Variants in MYT1L observed in about 807,000 individuals in gnomAD.
MYT1L encodes the protein myelin transcription factor 1 like.
A neutral mutation model predicts 126.7 loss-of-function variants in MYT1L; 12 were observed. That is an observed-to-expected ratio of 0.09 (90% CI 0.06 to 0.15). The LOEUF (loss-of-function observed/expected upper bound fraction) is 0.15. Among genes scored for constraint, MYT1L ranks in the 10% least tolerant of loss-of-function variants. The pLI is 1.00. For missense variants in MYT1L, 979 were observed against 1,585.2 expected, an observed-to-expected ratio of 0.62 and a Z score of 6.49; for synonymous variants, 541 against 604.2, an observed-to-expected ratio of 0.90 and a Z score of 1.53.
intron 2 of MYT1L, among the ~76,000 whole-genome samples, chr2:2,181,149 T>C (rs2091459946): frequency 6.6e-6 from 1 of 151,816 alleles, no homozygotes; most frequent in African/African-American, 2.4e-5. Flanking sequence ...TGTCTGTGCC[T>C]GAGTATGTAC....
intron 2 of MYT1L, among the ~76,000 whole-genome samples, chr2:2,279,552 AG>A (rs2095416593): frequency 1.0e-5 from 1 of 95,654 alleles, no homozygotes; most frequent in African/African-American, 3.9e-5. Flanking sequence ...AGAGAAAGAG[AG>A]AAGGAATGAA....
chr2:1,977,520 T>C (rs551563196), intron 8 of MYT1L, among the ~76,000 whole-genome samples: 2 of 152,338 alleles, frequency 1.3e-5, no homozygotes, highest in Admixed American at 1.3e-4. Context: ...TTTAAAAATA[T>C]GTAAAAGAGG....
intron 2 of MYT1L, among the ~76,000 whole-genome samples, chr2:2,242,780 A>T (rs1194539345): frequency 1.3e-5 from 2 of 152,216 alleles, no homozygotes; most frequent in African/African-American, 4.8e-5. Context: ...TCACAATATG[A>T]AGTCGAATAT....
At chr2:2,185,872 T>G (rs2092097114) in intron 2 of MYT1L, among the ~76,000 whole-genome samples, 2 of 112,660 alleles carry the variant, frequency 1.8e-5, no homozygotes, top group African/African-American at 3.8e-5. Context: ...GACGCCCGCG[T>G]TCCTTACGTG....
intron 2 of MYT1L, among the ~76,000 whole-genome samples, chr2:2,244,589 C>T (rs2094497609): frequency 2.6e-5 from 4 of 152,166 alleles, no homozygotes; most frequent in Non-Finnish European, 5.9e-5. Context: ...AGAAGAGAAG[C>T]TTGCACCAGC....
chr2:2,077,105 C>A (rs72767364), intron 3 of MYT1L, among the ~76,000 whole-genome samples: 6,464 of 151,764 alleles, frequency 0.043, 211 homozygotes, highest in Non-Finnish European at 0.065. Context: ...CCCTTAAGAA[C>A]AAAGAATCCA....
intron 18 of MYT1L, among the ~76,000 whole-genome samples, chr2:1,854,578 A>G (rs1176684178): frequency 6.6e-6 from 1 of 152,242 alleles, no homozygotes. Flanking sequence ...CTTTTTCATC[A>G]TGAAAACAAA....
chr2:2,187,774 A>G (rs1263036330), intron 2 of MYT1L, among the ~76,000 whole-genome samples: 3 of 152,098 alleles, frequency 2.0e-5, no homozygotes, highest in Non-Finnish European at 4.4e-5. Flanking sequence ...TGAAGCTGTT[A>G]TTCTCTGCTC....
intron 3 of MYT1L, among the ~76,000 whole-genome samples, chr2:2,109,953 G>A (rs569330171): frequency 7.2e-6 from 1 of 138,372 alleles, no homozygotes; most frequent in South Asian, 2.3e-4. Context: ...GGAGCTAAGA[G>A]ATTCTAAATC....
chr2:1,851,270 T>C (rs140201355), intron 19 of MYT1L, among the ~76,000 whole-genome samples: 4 of 152,326 alleles, frequency 2.6e-5, no homozygotes, highest in Admixed American at 2.0e-4. Context: ...AGAGACCAAC[T>C]CTCAGTGGCA....
At chr2:2,085,884 C>T (rs1391338733) in intron 3 of MYT1L, among the ~76,000 whole-genome samples, 5 of 152,228 alleles carry the variant, frequency 3.3e-5, no homozygotes, top group Non-Finnish European at 5.9e-5. Flanking sequence ...CACAGACTCC[C>T]TCCTTTTCAT....
At chr2:2,202,246 G>A (rs2148832052) in intron 2 of MYT1L, among the ~76,000 whole-genome samples, 1 of 152,190 alleles carries the variant, frequency 6.6e-6, no homozygotes, top group East Asian at 1.9e-4. Flanking sequence ...TCAAAAGCTA[G>A]CAGAAGGCAA....
intron 21 of MYT1L, among the ~76,000 whole-genome samples, chr2:1,826,509 C>G (rs2039362091): frequency 6.6e-6 from 1 of 152,172 alleles, no homozygotes; most frequent in South Asian, 2.1e-4. Flanking sequence ...GTCACCTCTC[C>G]CTGCTGCTAT....
intron 3 of MYT1L, among the ~76,000 whole-genome samples, chr2:2,081,912 G>C (rs901300361): frequency 2.0e-5 from 3 of 151,982 alleles, no homozygotes; most frequent in Non-Finnish European, 2.9e-5. Context: ...GCTAATTTTT[G>C]TATGTTTTTT....
chr2:1,877,099 C>T (rs1041933984), intron 18 of MYT1L, among the ~76,000 whole-genome samples: 21 of 152,344 alleles, frequency 1.4e-4, no homozygotes, highest in African/African-American at 4.6e-4. Context: ...AGCATCTAAG[C>T]TCTGCCTATC....
intron 5 of MYT1L, among the ~76,000 whole-genome samples, chr2:1,993,924 C>G (rs1315992354): frequency 2.6e-5 from 4 of 152,188 alleles, no homozygotes; most frequent in Non-Finnish European, 5.9e-5. Context: ...AATTGTGATT[C>G]ATATCCTTTG....
intron 1 of MYT1L, among the ~76,000 whole-genome samples, chr2:2,290,764 G>A (rs965724136): frequency 1.3e-5 from 2 of 152,186 alleles, no homozygotes; most frequent in Admixed American, 1.3e-4. Flanking sequence ...CAGAGACACT[G>A]ATCCAATTAG....
intron 4 of MYT1L, among the ~76,000 whole-genome samples, chr2:2,036,906 G>T (rs538433097): frequency 6.6e-6 from 1 of 152,284 alleles, no homozygotes; most frequent in South Asian, 2.1e-4. Flanking sequence ...AGGCCCTGCA[G>T]GACATGGCTC....
intron 18 of MYT1L, among the ~76,000 whole-genome samples, chr2:1,867,369 C>T (rs1221436278): frequency 6.6e-6 from 1 of 152,164 alleles, no homozygotes; most frequent in Admixed American, 6.5e-5. Context: ...TGGCTCTCAC[C>T]CCGGTGCCCC....
Sources: allele counts gnomAD v4.1 joint callset (sites outside exome capture counted in the v4.1 genomes callset), GRCh38; gene constraint gnomAD v4.1.1; transcripts MANE v1.5; gene names NCBI Gene and HGNC (gene_info 2026-07-23, HGNC 2026-07-21).